The following CTNNA3 variants were observed in gnomAD, a reference collection of about 807,000 sequenced individuals.
CTNNA3 encodes the protein catenin alpha 3.
CTNNA3 carries 76 observed loss-of-function variants against 95.7 expected under a neutral mutation model. That is an observed-to-expected ratio of 0.79 (90% CI 0.66 to 0.96). The LOEUF is 0.96. CTNNA3 is among the 40% of genes least tolerant of loss of function. The pLI, the probability that CTNNA3 is intolerant of heterozygous loss-of-function variation, is 0.00. For synonymous variants in CTNNA3, 431 were observed against 374.4 expected (o/e 1.15, Z -1.74); for missense variants, 1,191 against 1,089.8 (o/e 1.09, Z -1.31).
At chr10:66,141,275 A>C (rs544506829) in intron 13 of CTNNA3, among the ~76,000 whole-genome samples, 1 of 151,948 alleles carries the variant, frequency 6.6e-6, no homozygotes, top group South Asian at 2.1e-4. Flanking sequence ...TAAAAAAAAA[A>C]AAAGAAAGAA....
At chr10:66,816,682 T>C (rs544879945) in intron 7 of CTNNA3, among the ~76,000 whole-genome samples, 2 of 152,056 alleles carry the variant, frequency 1.3e-5, no homozygotes, top group East Asian at 1.9e-4. Flanking sequence ...CTACACCTAA[T>C]AGATATTTAT....
At chr10:66,606,905 G>A (rs1259930613) in intron 10 of CTNNA3, among the ~76,000 whole-genome samples, 1 of 151,874 alleles carries the variant, frequency 6.6e-6, no homozygotes, top group Non-Finnish European at 1.5e-5. Context: ...GCTAGCAGAA[G>A]AAAAGAAACA....
intron 17 of CTNNA3, among the ~76,000 whole-genome samples, chr10:65,941,638 T>A (rs951019524): frequency 3.9e-5 from 6 of 152,178 alleles, no homozygotes; most frequent in African/African-American, 9.7e-5. Flanking sequence ...AAACTCTGGA[T>A]TCAGTTCCAA....
chr10:66,654,395 G>T (rs555684747), intron 9 of CTNNA3, among the ~76,000 whole-genome samples: 1 of 152,104 alleles, frequency 6.6e-6, no homozygotes, highest in South Asian at 2.1e-4. Context: ...AATTAAAACT[G>T]CAATGAGCTA....
intron 1 of CTNNA3, among the ~76,000 whole-genome samples, chr10:67,733,216 A>C (rs970354994): frequency 6.6e-6 from 1 of 152,206 alleles, no homozygotes; most frequent in Non-Finnish European, 1.5e-5. Context: ...TTTAAAGCTA[A>C]GTTTTAGAAA....
chr10:66,253,830 A>G (rs1046344643), intron 13 of CTNNA3, among the ~76,000 whole-genome samples: 6 of 152,216 alleles, frequency 3.9e-5, no homozygotes, highest in Non-Finnish European at 7.3e-5. Flanking sequence ...AGAAAGGAAC[A>G]AAATCTGGAG....
At chr10:66,597,089 G>T (rs1316632416) in intron 10 of CTNNA3, among the ~76,000 whole-genome samples, 2 of 151,710 alleles carry the variant, frequency 1.3e-5, no homozygotes, top group Non-Finnish European at 2.9e-5. Flanking sequence ...GCAGAAAAAA[G>T]AACCAGTGAA....
At chr10:67,716,226 A>T (rs1415979120) in intron 1 of CTNNA3, among the ~76,000 whole-genome samples, 3 of 152,214 alleles carry the variant, frequency 2.0e-5, no homozygotes, top group Non-Finnish European at 2.9e-5. Flanking sequence ...ATTTTCAGGT[A>T]TCCCTAAAAA....
At chr10:66,086,748 G>A (rs1234410638) in intron 14 of CTNNA3, among the ~76,000 whole-genome samples, 3 of 151,916 alleles carry the variant, frequency 2.0e-5, no homozygotes, top group East Asian at 1.9e-4. Flanking sequence ...ACCTCTCCCC[G>A]ACTCCGCAAT....
In CTNNA3 at chr10:66,092,173, T is replaced by C. The variant is rs142497774; in HGVS notation, c.1977+10984A>G. 3.2e-3 allele frequency among the ~76,000 whole-genome samples: 488 copies of C among 152,006 alleles called. 2 individuals are homozygous for C. Among genetic ancestry groups the C allele is most frequent in the African/African-American group, 0.011 (458 of 41,504 alleles). ...TTAGTTAGTTTTACCTCTCACCATA[T>C]ATACACAATCAACAACGTTCAACCT... is the stretch of plus-strand genomic sequence containing the variant. On this transcript the variant is annotated intron_variant, in intron 14 of 17. Coordinates refer to ENST00000433211, the MANE Select transcript of CTNNA3 (RefSeq NM_013266.4).
chr10:67,643,061 G>T (rs952341133), intron 2 of CTNNA3, among the ~76,000 whole-genome samples: 10 of 152,146 alleles, frequency 6.6e-5, no homozygotes, highest in Non-Finnish European at 1.2e-4. Context: ...GCAAAGACAT[G>T]GAATCAACCT....
chr10:66,413,374 TAGA>T (rs35071764), intron 11 of CTNNA3, among the ~76,000 whole-genome samples: 37,585 of 151,966 alleles, frequency 0.25, 4,789 homozygotes, highest in South Asian at 0.37. Flanking sequence ...AGCCCTGCAC[TAGA>T]AGGTTACATA....
intron 7 of CTNNA3, among the ~76,000 whole-genome samples, chr10:66,779,140 A>G (rs189040252): frequency 1.8e-4 from 27 of 152,260 alleles, no homozygotes; most frequent in Admixed American, 1.6e-3. Context: ...TGATGAAATT[A>G]AGAACAAAGT....
intron 11 of CTNNA3, among the ~76,000 whole-genome samples, chr10:66,399,429 T>C (rs577609848): frequency 1.4e-4 from 22 of 152,092 alleles, no homozygotes; most frequent in African/African-American, 5.1e-4. Context: ...ATGATAAACA[T>C]AATACTTGAC....
intron 5 of CTNNA3, among the ~76,000 whole-genome samples, chr10:67,499,810 A>C (rs1170451912): frequency 6.6e-6 from 1 of 151,556 alleles, no homozygotes; most frequent in Non-Finnish European, 1.5e-5. Context: ...TGTCTATTTG[A>C]TTCTTCTCTC....
chr10:66,919,935 G>A (rs996472021), intron 7 of CTNNA3, among the ~76,000 whole-genome samples: 6 of 152,168 alleles, frequency 3.9e-5, no homozygotes, highest in Non-Finnish European at 7.3e-5. Flanking sequence ...AATCAAATGC[G>A]TCTATTGGTG....
intron 9 of CTNNA3, among the ~76,000 whole-genome samples, chr10:66,685,319 A>G (rs201795449): frequency 0.049 from 946 of 19,124 alleles, 25 homozygotes; most frequent in African/African-American, 0.09. Context: ...GTGTGTGTGT[A>G]TGTGTGTATA....
In CTNNA3 at chr10:67,371,983, T is replaced by C. The variant is rs549707067; in HGVS notation, c.579+149859A>G. On this transcript the variant is annotated intron_variant, in intron 5 of 17. Transcript: ENST00000433211. ...TTTGCATTTGTCTGATGGCCAGTGATGATGAGCATTTTTTCATCTGTCTGT... is the reference window on the plus strand; with the variant it reads ...TTTGCATTTGTCTGATGGCCAGTGACGATGAGCATTTTTTCATCTGTCTGT... 4.6e-5 allele frequency among the ~76,000 whole-genome samples: 7 copies of C among 152,340 alleles called. No individual in the cohort carries two copies. In the East Asian group the frequency reaches 1.2e-3, roughly 25 times the overall value.
intron 12 of CTNNA3, among the ~76,000 whole-genome samples, chr10:66,366,220 A>G (rs1479009977): frequency 6.6e-6 from 1 of 152,170 alleles, no homozygotes. Context: ...AGGCTGAGTC[A>G]GTACTCATGA....
Sources: allele counts gnomAD v4.1 joint callset (sites outside exome capture counted in the v4.1 genomes callset), GRCh38; gene constraint gnomAD v4.1.1; transcripts MANE v1.5; gene names NCBI Gene and HGNC (gene_info 2026-07-23, HGNC 2026-07-21).